The following HAS1 variants were observed in gnomAD, a reference collection of about 807,000 sequenced individuals.
The protein encoded by HAS1 is hyaluronan synthase 1.
In HAS1, 27 loss-of-function variants were observed where a neutral mutation model predicts 35.0. The observed-to-expected ratio is 0.77, with a 90% CI of 0.57 to 1.06. The LOEUF (loss-of-function observed/expected upper bound fraction) is 1.06, where lower values mean the gene tolerates loss of function less well. Ranked by LOEUF, HAS1 falls within the 50% of genes least tolerant of loss-of-function variation. The pLI, the probability that HAS1 is intolerant of heterozygous loss-of-function variation, is 0.00. For synonymous variants in HAS1, 409 were observed against 371.2 expected, an observed-to-expected ratio of 1.10 and a Z score of -1.17; for missense variants, 940 against 814.8, an observed-to-expected ratio of 1.15 and a Z score of -1.87.
chr19:51,722,598 A>T (rs935075047), intron 1 of HAS1, among the ~76,000 whole-genome samples: 3 of 152,254 alleles, frequency 2.0e-5, no homozygotes, highest in South Asian at 2.1e-4. Flanking sequence ...TTGAAAGCCA[A>T]AAGAAGAATA....
In HAS1 at chr19:51,713,621, C is replaced by A. The variant is rs199658827; in HGVS notation, c.1540G>T (p.Gly514Trp). 1.1e-3 allele frequency: 1,670 copies of A among 1,560,384 alleles called. 3 individuals are homozygous for A. The highest frequency in any genetic ancestry group is 2.4e-3 in the Admixed American group (125 of 52,356). ...TGTGCTACGCTGCGGACCAGGCCCC[C>A]AAGCAGCAGCAGCGCCCAGAGCGCC... ...PLALWALLLL[G>W]GLVRSVAHEA... Residue 514 changes from glycine (G) to tryptophan (W), a missense_variant, in exon 5 of 5, where the codon GGG becomes TGG. Physicochemically the swap from Gly to Trp is radical, Grantham distance 184. Coordinates refer to ENST00000540069, the MANE Select transcript of HAS1 (RefSeq NM_001297436.2). The surrounding 1 kb of genome is among the most constrained non-coding windows in gnomAD (Gnocchi z 4.5).
chr19:51,723,213 C>T (rs1022971607), intron 1 of HAS1, among the ~76,000 whole-genome samples: 2 of 152,096 alleles, frequency 1.3e-5, no homozygotes, highest in Admixed American at 1.3e-4. Flanking sequence ...ACCCGAGACA[C>T]CCACTCAGGC....
chr19:51,723,795 C>T, intron 1 of HAS1, 130 bp downstream of exon 1: 1 of 894,052 alleles, frequency 1.1e-6, no homozygotes. Flanking sequence ...CACTGTCAGG[C>T]ACATGGATAC....
intron 1 of HAS1, among the ~76,000 whole-genome samples, chr19:51,723,493 T>A (rs1236750757): frequency 6.6e-6 from 1 of 152,192 alleles, no homozygotes; most frequent in African/African-American, 2.4e-5. Flanking sequence ...TTGGTTCAAC[T>A]TAATAGCTAT....
intron 1 of HAS1, among the ~76,000 whole-genome samples, chr19:51,721,381 T>C (rs1361719848): frequency 6.6e-6 from 1 of 152,164 alleles, no homozygotes; most frequent in Admixed American, 6.5e-5. Flanking sequence ...GGTGCCCCAG[T>C]AAATGTTGCT....
intron 2 of HAS1, among the ~76,000 whole-genome samples, chr19:51,718,244 A>T (rs916898291): frequency 1.3e-5 from 2 of 152,042 alleles, no homozygotes; most frequent in African/African-American, 4.8e-5. Flanking sequence ...CTCAAAAAAA[A>T]AAAAAGATTG....
intron 2 of HAS1, 30 bp downstream of exon 2, chr19:51,719,176 C>T: frequency 1.4e-6 from 2 of 1,418,396 alleles, no homozygotes; most frequent in Non-Finnish European, 1.9e-6. Flanking sequence ...GTGTTCGGGT[C>T]ACGAGTGGGC....
chr19:51,721,050 A>G (rs915372456), intron 1 of HAS1, among the ~76,000 whole-genome samples: 2 of 152,222 alleles, frequency 1.3e-5, no homozygotes, highest in African/African-American at 4.8e-5. Context: ...TAAGGTAGGT[A>G]CTGTTATTAT....
chr19:51,719,926 C>A, intron 1 of HAS1, 31 bp from the exon 2 acceptor site: 3 of 1,460,236 alleles, frequency 2.1e-6, no homozygotes, highest in Non-Finnish European at 2.8e-6. Context: ...AAGGAAGGGG[C>A]ATGAGTCCCG....
At position 51,719,294 on chromosome 19, in the gene HAS1, C is replaced by T; in HGVS notation, c.611G>A (p.Cys204Tyr). The change falls in exon 2 of 5, where the codon TGC becomes TAC. Residue 204 changes from cysteine to tyrosine, a missense_variant. Cys to Tyr is a radical substitution (Grantham distance 194). Transcript: ENST00000540069. ...AVEALVRTRR[C>Y]VCVAQRWGGK... ...GCCCCAGCGCTGCGCCACGCACACGCACCTGCGAGTCCTCACCAGCGCCTC... is the reference window on the plus strand; with the variant it reads ...GCCCCAGCGCTGCGCCACGCACACGTACCTGCGAGTCCTCACCAGCGCCTC... The T allele has an allele frequency of 6.2e-7, 1 of 1,612,450 alleles. No homozygotes were observed. The highest frequency in any genetic ancestry group is 8.5e-7 in the Non-Finnish European group (1 of 1,179,472).
rs188905326 is a variant in HAS1 at position 51,716,237 on chromosome 19, C to T, written c.1058+19G>A. ...ATTGGCCTCCACACATACCCGACCA[C>T]CTGGTCCCCTCAGCTTACTTGGTAG... On this transcript the variant is annotated intron_variant, in intron 4 of 4. Transcript: ENST00000540069. 2 of 1,607,672 alleles carry T rather than the reference C, an allele frequency of 1.2e-6. No homozygotes were observed. The highest frequency in any genetic ancestry group is 3.4e-5 in the Admixed American group (2 of 59,004).
rs763413589 is a variant in HAS1, at chr19:51,713,767, G to A, written c.1394C>T (p.Pro465Leu). The stretch of plus-strand genomic sequence containing the variant: ...AGGCAGGAGGCCACACATGTAGAGG[G>A]GCGCGTAGAGCGACAGAAGCACCAT... ...LRMVLLSLYA[P>L]LYMCGLLPAK... The change falls in exon 5 of 5, where the codon CCC (proline) becomes CTC (leucine). Residue 465 changes from proline to leucine, a missense_variant. Pro to Leu is a moderately conservative substitution (Grantham distance 98). Coordinates refer to ENST00000540069, the MANE Select transcript of HAS1 (RefSeq NM_001297436.2). The surrounding 1 kb of genome is among the most constrained non-coding windows in gnomAD (Gnocchi z 4.5). 1.2e-6 allele frequency: 2 copies of A among 1,604,520 alleles called. No homozygotes were observed. Among genetic ancestry groups the A allele is most frequent in the Non-Finnish European group, 1.7e-6 (2 of 1,175,878 alleles).
At position 51,719,388 on chromosome 19, in the gene HAS1, C is replaced by T. The variant is rs2083608214; in HGVS notation, c.517G>A (p.Ala173Thr). 9 of 1,580,706 alleles carry T rather than the reference C, an allele frequency of 5.7e-6. No homozygotes were observed. Among genetic ancestry groups the T allele is most frequent in the Non-Finnish European group, 7.7e-6 (9 of 1,162,986 alleles). The part of the protein sequence containing the change: ...GNYHQPWEPA[A>T]AGAVGAGAYR... Reference sequence around the variant, plus strand: ...GCTCCGGCGCCCACCGCGCCCGCCGCCGCGGGTTCCCAGGGCTGGTGGTAG... The same window carrying T: ...GCTCCGGCGCCCACCGCGCCCGCCGTCGCGGGTTCCCAGGGCTGGTGGTAG... Residue 173 changes from alanine (A) to threonine (T), a missense_variant, in exon 2 of 5, where the codon GCG becomes ACG. Physicochemically the swap from Ala to Thr is moderately conservative, Grantham distance 58 (BLOSUM62 0). Transcript: ENST00000540069.
chr19:51,720,887 C>T (rs758877591), intron 1 of HAS1, among the ~76,000 whole-genome samples: 15 of 152,184 alleles, frequency 9.9e-5, no homozygotes, highest in Non-Finnish European at 1.8e-4. Flanking sequence ...CTTAGTGGCA[C>T]ATACAATGAG....
chr19:51,720,050 T>TTC (rs1025167357), intron 1 of HAS1, 155 bp from the exon 2 acceptor site: 2 of 574,434 alleles, frequency 3.5e-6, no homozygotes, highest in Non-Finnish European at 6.1e-6. Context: ...CTCTTTATCT[T>TTC]TCTCTCTCTC....
At position 51,713,475 on chromosome 19, in the gene HAS1, CA is replaced by C; in HGVS notation, c.1685del (p.Val562GlyfsTer111). 1 of 1,569,930 alleles carries C rather than the reference CA, an allele frequency of 6.4e-7. No individual in the cohort carries two copies. The highest frequency in any genetic ancestry group is 8.6e-7 in the Non-Finnish European group (1 of 1,158,032). The part of the protein sequence containing the change: ...VAMLTLYWVG[V>X]RRLCRRRTGG... ...CGGTCCGCCGCCGGCAAAGCCTCCG[CA>C]CGCCCACCCAGTACAGCGTCAACAT... On this transcript the variant is annotated frameshift_variant, in exon 5 of 5. Transcript: ENST00000540069. LOFTEE classifies it high-confidence loss of function. The surrounding 1 kb of genome is among the most constrained non-coding windows in gnomAD (Gnocchi z 4.5).
chr19:51,717,553 C>T (rs552936958), intron 2 of HAS1, among the ~76,000 whole-genome samples: 2 of 152,290 alleles, frequency 1.3e-5, no homozygotes, highest in Admixed American at 6.5e-5. Context: ...GTCCCCAAAT[C>T]TCTTGACTAT....
intron 2 of HAS1, 79 bp downstream of exon 2, chr19:51,719,127 T>C (rs2122263574): frequency 2.5e-6 from 2 of 813,964 alleles, no homozygotes; most frequent in Non-Finnish European, 1.9e-6. Flanking sequence ...CATTCAAATC[T>C]GTACATTGAA....
At chr19:51,715,580 C>G (rs1402213223) in intron 4 of HAS1, among the ~76,000 whole-genome samples, 1 of 152,132 alleles carries the variant, frequency 6.6e-6, no homozygotes, top group Admixed American at 6.5e-5. Flanking sequence ...ATTGCTGTAT[C>G]CCCGCAGCTT....
Sources: gnomAD v4.1 joint callset for allele counts (sites outside exome capture counted in the v4.1 genomes callset) on GRCh38, gnomAD v4.1.1 for gene constraint, Gnocchi (gnomAD v3.1) non-coding constraint, MANE v1.5 for transcripts, NCBI Gene and HGNC (gene_info 2026-07-23, HGNC 2026-07-21) for gene names.